Variants in LMO3 observed in about 807,000 individuals in gnomAD.
The protein encoded by LMO3 is LIM domain only 3.
A neutral mutation model predicts 15.8 loss-of-function variants in LMO3; 2 were observed. The ratio of observed to expected loss-of-function variants is 0.13; its 90% CI spans 0.05 to 0.40. The LOEUF is 0.40. Ranked by LOEUF, LMO3 falls within the 10% of genes least tolerant of loss-of-function variation. The pLI, the probability that LMO3 is intolerant of heterozygous loss-of-function variation, is 0.99. For missense variants in LMO3, 86 were observed against 182.2 expected (o/e 0.47, Z 3.04); for synonymous variants, 62 against 63.8 (o/e 0.97, Z 0.13).
rs770921818 is a variant in LMO3, at chr12:16,597,370, ATAT to A, written c.206+3282_206+3284del. Among the ~76,000 whole-genome samples the A allele has an allele frequency of 6.6e-6, 1 of 151,890 alleles. No homozygotes were observed. Among genetic ancestry groups the A allele is most frequent in the Non-Finnish European group, 1.5e-5 (1 of 67,746 alleles). Reference sequence around the variant, plus strand: ...TTACAGTCTAAATTATTATATTTTCATATTATTTAATATCTCAAATCATCATTC... The same window carrying A: ...TTACAGTCTAAATTATTATATTTTCATATTTAATATCTCAAATCATCATTC... On this transcript the variant is annotated intron_variant, in intron 2 of 3. Coordinates refer to ENST00000537304, the MANE Select transcript of LMO3 (RefSeq NM_018640.5). The surrounding 1 kb of genome is among the most constrained non-coding windows in gnomAD (Gnocchi z 5.0).
In LMO3 at chr12:16,551,180, G is replaced by T. The variant is rs1375782611; in HGVS notation, c.*42C>A. On this transcript the variant is annotated 3_prime_UTR_variant, in exon 4 of 4. Coordinates refer to ENST00000537304, the MANE Select transcript of LMO3 (RefSeq NM_018640.5). ...TACATGTGGAGCAAAAAAGATAAAA[G>T]AATGTAGTGCTTTGTATTCTTAATG... The T allele has an allele frequency of 4.0e-6, 5 of 1,236,506 alleles. No individual in the cohort carries two copies. The African/African-American group carries it at 4.5e-5, about 11-fold the overall frequency. 76.6% of individuals were successfully genotyped at this position (1,236,506 alleles called of 1,614,324 possible). A position where few individuals can be genotyped will look rare whatever the true frequency, so the allele number is the denominator to read the frequency against.
intron 1 of LMO3, 142 bp downstream of exon 1, chr12:16,605,924 G>T: frequency 8.3e-7 from 1 of 1,205,166 alleles, no homozygotes; most frequent in Non-Finnish European, 1.2e-6. Context: ...GCAGTGCGGA[G>T]CTGGGTTGCA....
At chr12:16,583,084 T>C (rs1943216313) in intron 2 of LMO3, among the ~76,000 whole-genome samples, 1 of 149,506 alleles carries the variant, frequency 6.7e-6, no homozygotes, top group African/African-American at 2.5e-5. Context: ...TGTAGGGTCA[T>C]GGCATCCAAG....
In LMO3 at chr12:16,560,393, C is replaced by G. The variant is rs755449815; in HGVS notation, c.332+20G>C. The G allele has an allele frequency of 1.9e-6, 3 of 1,608,156 alleles. No homozygotes were observed. Among genetic ancestry groups the G allele is most frequent in the Non-Finnish European group, 2.5e-6 (3 of 1,177,626 alleles). The stretch of plus-strand genomic sequence containing the variant: ...AGAGAGGTTAACCATTTCTTAGAGA[C>G]CAAAAAGAGACCTGCTTACCTCTGA... On this transcript the variant is annotated intron_variant, in intron 3 of 3. Transcript: ENST00000537304. The surrounding 1 kb of genome is among the most constrained non-coding windows in gnomAD (Gnocchi z 5.0).
chr12:16,574,872 T>C (rs1565494952), intron 2 of LMO3, among the ~76,000 whole-genome samples: 1 of 152,140 alleles, frequency 6.6e-6, no homozygotes, highest in Non-Finnish European at 1.5e-5. Flanking sequence ...TAAGATCTCA[T>C]AGTCATTAAC....
At chr12:16,568,678 C>T (rs181942658) in intron 2 of LMO3, among the ~76,000 whole-genome samples, 27 of 152,304 alleles carry the variant, frequency 1.8e-4, no homozygotes, top group East Asian at 5.8e-4. Flanking sequence ...GCATTAAATA[C>T]GTTGTTTAAA....
rs1196709437 is a variant in LMO3, at chr12:16,605,159, A to G, written c.-9+907T>C. On this transcript the variant is annotated intron_variant, in intron 1 of 3. Coordinates refer to ENST00000537304, the MANE Select transcript of LMO3 (RefSeq NM_018640.5). ...AAATGATGGCGAATGACAAAGCCAC[A>G]TGCTTCCCTAACTCTGCCCGTAATC... 2.2e-6 allele frequency: 3 copies of G among 1,386,042 alleles called. No homozygotes were observed. In the Admixed American group the frequency reaches 9.3e-5, roughly 43 times the overall value. 85.9% of individuals were successfully genotyped at this position (1,386,042 alleles called of 1,614,324 possible).
intron 3 of LMO3, among the ~76,000 whole-genome samples, chr12:16,553,689 A>G (rs1359801993): frequency 6.6e-6 from 1 of 152,194 alleles, no homozygotes; most frequent in Non-Finnish European, 1.5e-5. Context: ...TACGACTGGT[A>G]TGCAATTAAG....
intron 2 of LMO3, among the ~76,000 whole-genome samples, chr12:16,574,297 G>A (rs966861839): frequency 3.3e-5 from 5 of 152,146 alleles, no homozygotes; most frequent in African/African-American, 1.2e-4. Flanking sequence ...AGTTGCAGAT[G>A]CAGGATGTCT....
In LMO3 at chr12:16,584,628, G is replaced by A. The variant is rs1403445665; in HGVS notation, c.206+16027C>T. Among the ~76,000 whole-genome samples the A allele has an allele frequency of 6.6e-6, 1 of 152,128 alleles. No individual in the cohort carries two copies. The highest frequency in any genetic ancestry group is 6.6e-5 in the Admixed American group (1 of 15,254). ...TGTTTAGAGGTGGATGGCCTCAGAT[G>A]TCTTAGCTTTGGCACAGTGAGGGTC... On this transcript the variant is annotated intron_variant, in intron 2 of 3. Transcript: ENST00000537304. This position sits in a 1 kb window ranked among gnomAD's most constrained non-coding sequence, Gnocchi z 5.2.
intron 2 of LMO3, among the ~76,000 whole-genome samples, chr12:16,574,712 C>T (rs191485869): frequency 6.6e-6 from 1 of 152,224 alleles, no homozygotes; most frequent in Admixed American, 6.5e-5. Flanking sequence ...TGTTTCCAAC[C>T]GCAAAGGATT....
chr12:16,583,230 A>G (rs2137553684), intron 2 of LMO3, among the ~76,000 whole-genome samples: 1 of 152,246 alleles, frequency 6.6e-6, no homozygotes, highest in Middle Eastern at 3.4e-3. Context: ...CAGAGTGGTG[A>G]GAGACAGAAG....
At chr12:16,609,253 T>G (rs1333029332), upstream of LMO3, 1 of 152,166 alleles carries the variant, frequency 6.6e-6, no homozygotes, top group East Asian at 1.9e-4. Context: ...GCTGACACTT[T>G]GCGAAAAACA....
chr12:16,573,793 G>A (rs1244948738), intron 2 of LMO3: 2 of 152,146 alleles, frequency 1.3e-5, no homozygotes, highest in African/African-American at 4.8e-5. Flanking sequence ...AAGTTGATCG[G>A]GGGTAGAGAA....
chr12:16,580,935 A>C (rs1943139984), intron 2 of LMO3, among the ~76,000 whole-genome samples: 1 of 152,220 alleles, frequency 6.6e-6, no homozygotes, highest in Non-Finnish European at 1.5e-5. Flanking sequence ...TGTATTGGAC[A>C]TGCTATATAC....
At chr12:16,609,898 G>A (rs537406704), upstream of LMO3, 4 of 151,440 alleles carry the variant, frequency 2.6e-5, no homozygotes, top group South Asian at 8.5e-4. Context: ...GAGATGCTCC[G>A]GTTAGGTTGC....
chr12:16,556,267 A>G (rs1165653890), intron 3 of LMO3, among the ~76,000 whole-genome samples: 1 of 152,204 alleles, frequency 6.6e-6, no homozygotes, highest in African/African-American at 2.4e-5. Flanking sequence ...CCTGTTATAT[A>G]GAATCTTCCA....
chr12:16,567,793 TC>T (rs1429691583), intron 2 of LMO3, among the ~76,000 whole-genome samples: 2 of 151,922 alleles, frequency 1.3e-5, no homozygotes, highest in African/African-American at 4.8e-5. Flanking sequence ...ATCATCCCTC[TC>T]CTACACTCAG....
In LMO3 at chr12:16,597,392, ATCAT is replaced by A. The variant is rs1249628142; in HGVS notation, c.206+3259_206+3262del. Among the ~76,000 whole-genome samples, 2 of 151,806 alleles carry A rather than the reference ATCAT, an allele frequency of 1.3e-5. No homozygotes were observed. The highest frequency in any genetic ancestry group is 6.6e-5 in the Admixed American group (1 of 15,222). On this transcript the variant is annotated intron_variant, in intron 2 of 3. Coordinates refer to ENST00000537304, the MANE Select transcript of LMO3 (RefSeq NM_018640.5). The surrounding 1 kb of genome is among the most constrained non-coding windows in gnomAD (Gnocchi z 5.0). ...TTCATATTATTTAATATCTCAAATCATCATTCAAAGAACTTATAAATCACATCAT... is the reference window on the plus strand; with the variant it reads ...TTCATATTATTTAATATCTCAAATCATCAAAGAACTTATAAATCACATCAT...
Sources: gnomAD v4.1 joint callset for allele counts (sites outside exome capture counted in the v4.1 genomes callset) on GRCh38, gnomAD v4.1.1 for gene constraint, Gnocchi (gnomAD v3.1) non-coding constraint, MANE v1.5 for transcripts, NCBI Gene and HGNC (gene_info 2026-07-23, HGNC 2026-07-21) for gene names.